Variants in HIVEP1 observed in about 807,000 individuals in gnomAD.
HIVEP1 encodes the protein zinc finger protein 40.
In HIVEP1, 36 loss-of-function variants were observed where a neutral mutation model predicts 180.0. The observed-to-expected ratio is 0.20, with a 90% confidence interval of 0.15 to 0.26. HIVEP1 has a LOEUF of 0.26. HIVEP1 is among the 10% of genes least tolerant of loss of function. The pLI, the probability that HIVEP1 is intolerant of heterozygous loss-of-function variation, is 1.00. For synonymous variants in HIVEP1, 1,239 were observed against 1,239.0 expected, an observed-to-expected ratio of 1.00 and a Z score of 0.00; for missense variants, 3,143 against 3,268.7, an observed-to-expected ratio of 0.96 and a Z score of 0.94.
intron 7 of HIVEP1, among the ~76,000 whole-genome samples, chr6:12,153,977 G>A (rs1213840666): frequency 1.3e-5 from 2 of 152,160 alleles, no homozygotes; most frequent in African/African-American, 4.8e-5. Flanking sequence ...GTGAAACCCC[G>A]TCTCTACTAA....
At chr6:12,105,531 A>G (rs999463425) in intron 3 of HIVEP1, among the ~76,000 whole-genome samples, 1 of 152,174 alleles carries the variant, frequency 6.6e-6, no homozygotes, top group Non-Finnish European at 1.5e-5. Flanking sequence ...TATTTTGTCT[A>G]GGTAATCTGT....
intron 6 of HIVEP1, among the ~76,000 whole-genome samples, chr6:12,133,932 C>T (rs1391151254): frequency 2.0e-5 from 3 of 151,408 alleles, no homozygotes; most frequent in African/African-American, 7.3e-5. Context: ...GAGCTGAGAT[C>T]TCGCCACTGC....
At position 12,063,788 on chromosome 6, in the gene HIVEP1, C is replaced by A. The variant is rs1771389083; in HGVS notation, c.41-25396C>A. On this transcript the variant is annotated intron_variant, in intron 2 of 8. Transcript: ENST00000379388. This position sits in a 1 kb window ranked among gnomAD's most constrained non-coding sequence, Gnocchi z 4.2. Reference sequence around the variant, plus strand: ...AGACTGACTCTCCAACCAAGTGAAACCTCTTGTGTACCAGCTTCACCATGC... The same window carrying A: ...AGACTGACTCTCCAACCAAGTGAAAACTCTTGTGTACCAGCTTCACCATGC... Among the ~76,000 whole-genome samples the A allele has an allele frequency of 6.6e-6, 1 of 152,120 alleles. No individual in the cohort carries two copies. The highest frequency in any genetic ancestry group is 6.5e-5 in the Admixed American group (1 of 15,276).
At chr6:12,150,786 AAT>A (rs1040404094) in intron 7 of HIVEP1, among the ~76,000 whole-genome samples, 3 of 151,808 alleles carry the variant, frequency 2.0e-5, no homozygotes, top group African/African-American at 4.8e-5. Flanking sequence ...TTATCTTTAA[AAT>A]ATATATATAT....
rs181949587 is a variant in HIVEP1, at chr6:12,144,501, A to G, written c.6487+8609A>G. On this transcript the variant is annotated intron_variant, in intron 7 of 8. Coordinates refer to ENST00000379388, the MANE Select transcript of HIVEP1 (RefSeq NM_002114.4). ...ACTTCATGTCTAAAACACCAAAAGC[A>G]ATGGCAACAGAAGACAAAATAGACA... Among the ~76,000 whole-genome samples the G allele has an allele frequency of 4.9e-4, 75 of 152,362 alleles. 1 individual carries two copies. The East Asian group carries it at 9.2e-3, about 19-fold the overall frequency.
intron 3 of HIVEP1, among the ~76,000 whole-genome samples, chr6:12,098,273 A>T (rs1773889289): frequency 1.3e-5 from 2 of 152,248 alleles, no homozygotes; most frequent in Non-Finnish European, 2.9e-5. Context: ...TAAAGTATTT[A>T]AGGTAATGGC....
chr6:12,109,773 C>A (rs1240860277), intron 3 of HIVEP1, among the ~76,000 whole-genome samples: 1 of 152,242 alleles, frequency 6.6e-6, no homozygotes, highest in African/African-American at 2.4e-5. Context: ...CTCCTCTCAT[C>A]AATCATGAAT....
chr6:12,162,448 C>T (rs749866526), intron 8 of HIVEP1, among the ~76,000 whole-genome samples: 4 of 152,214 alleles, frequency 2.6e-5, no homozygotes, highest in African/African-American at 9.6e-5. Flanking sequence ...CTTGAATTAT[C>T]ACATTGCTAC....
In HIVEP1 at chr6:12,123,149, A is replaced by G. The variant is rs1757796504; in HGVS notation, c.3354A>G (p.Ser1118=). ...LSTIMEQQIS[S]AAQDKIELQR... is the part of the protein sequence containing the mutation. ...CCATCATGGAACAACAGATAAGTTC[A>G]GCAGCCCAGGACAAGATAGAACTGC... Residue 1118 remains serine, a synonymous_variant, in exon 4 of 9, where the codon TCA becomes TCG. Coordinates refer to ENST00000379388, the MANE Select transcript of HIVEP1 (RefSeq NM_002114.4). 6.2e-7 allele frequency: 1 copy of G among 1,614,116 alleles called. No individual in the cohort carries two copies. The highest frequency in any genetic ancestry group is 1.7e-5 in the Admixed American group (1 of 60,010).
chr6:12,122,804 C>T lies in HIVEP1; in HGVS notation c.3009C>T (p.Pro1003=), dbSNP rs199611604. 160 of 1,613,420 alleles carry T rather than the reference C, an allele frequency of 9.9e-5. No homozygotes were observed. The highest frequency in any genetic ancestry group is 1.2e-4 in the Non-Finnish European group (136 of 1,179,868). ...GAGAACCTGAGCACAGCCCTGTGCC[C>T]GGCGGTCTGCAGCCTCAGATTCTAC... ...AMREPEHSPV[P]GGLQPQILHY... Residue 1003 remains proline (P), a synonymous_variant, in exon 4 of 9, where the codon CCC becomes CCT. Transcript: ENST00000379388.
chr6:12,121,462 C>G lies in HIVEP1; in HGVS notation c.1667C>G (p.Ala556Gly). ...CAGGACAGATCTGCAGAATCACAAG[C>G]TGTGACAGAGTTACCGAAAGTTGTG... ...LLQDRSAESQ[A>G]VTELPKVVVH... Residue 556 changes from alanine (A) to glycine (G), a missense_variant, in exon 4 of 9, where the codon GCT (alanine) becomes GGT (glycine). Physicochemically the swap from Ala to Gly is moderately conservative, Grantham distance 60 (BLOSUM62 0). Coordinates refer to ENST00000379388, the MANE Select transcript of HIVEP1 (RefSeq NM_002114.4). The surrounding 1 kb of genome is among the most constrained non-coding windows in gnomAD (Gnocchi z 5.3). The G allele has an allele frequency of 6.2e-7, 1 of 1,614,168 alleles. No homozygotes were observed. Among genetic ancestry groups the G allele is most frequent in the Admixed American group, 1.7e-5 (1 of 60,016 alleles).
At position 12,163,541 on chromosome 6, in the gene HIVEP1, T is replaced by C. The variant is rs905396442; in HGVS notation, c.7237T>C (p.Tyr2413His). Residue 2413 changes from tyrosine to histidine, a missense_variant, in exon 9 of 9, where the codon TAC becomes CAC. By Grantham distance (83) the Tyr-to-His change is moderately conservative (BLOSUM62 2). Coordinates refer to ENST00000379388, the MANE Select transcript of HIVEP1 (RefSeq NM_002114.4). ...CCATGTGGTACCTGCTGGCCTCACATACTCCACGTTTGTGCCCCTTCAGGC... is the reference window on the plus strand; with the variant it reads ...CCATGTGGTACCTGCTGGCCTCACACACTCCACGTTTGTGCCCCTTCAGGC... ...GIHVVPAGLT[Y>H]STFVPLQAGP... 2 of 1,614,072 alleles carry C rather than the reference T, an allele frequency of 1.2e-6. No individual in the cohort carries two copies. Among genetic ancestry groups the C allele is most frequent in the Non-Finnish European group, 1.7e-6 (2 of 1,180,040 alleles).
intron 1 of HIVEP1, among the ~76,000 whole-genome samples, chr6:12,013,173 C>T (rs1263952829): frequency 6.7e-6 from 1 of 150,278 alleles, no homozygotes; most frequent in Admixed American, 6.7e-5. Context: ...CTCTCTGCAT[C>T]CACTCCAGGC....
intron 6 of HIVEP1, among the ~76,000 whole-genome samples, chr6:12,131,589 A>G (rs1468525262): frequency 6.6e-6 from 1 of 151,684 alleles, no homozygotes; most frequent in Admixed American, 6.6e-5. Flanking sequence ...CTCATAGTTA[A>G]TTTTGCCCTG....
chr6:12,056,102 A>G (rs1355817751), intron 2 of HIVEP1, among the ~76,000 whole-genome samples: 1 of 152,166 alleles, frequency 6.6e-6, no homozygotes, highest in South Asian at 2.1e-4. Flanking sequence ...AAAAGGCTGG[A>G]ATAGAGAAAC....
At chr6:12,203,247 C>T in the HIVEP1 span, among the ~76,000 whole-genome samples, 2 of 152,162 alleles carry the variant, frequency 1.3e-5, no homozygotes, top group African/African-American at 4.8e-5. Flanking sequence ...ACTCCCTGTC[C>T]CAGAAAGATC....
At chr6:12,069,058 G>T (rs2113777910) in intron 2 of HIVEP1, among the ~76,000 whole-genome samples, 1 of 152,234 alleles carries the variant, frequency 6.6e-6, no homozygotes, top group Admixed American at 6.5e-5. Flanking sequence ...TTTAACAATG[G>T]GATACATTCT....
In HIVEP1 at chr6:12,120,670, C is replaced by A; in HGVS notation, c.875C>A (p.Pro292His). 6.2e-7 allele frequency: 1 copy of A among 1,614,142 alleles called. No individual in the cohort carries two copies. The highest frequency in any genetic ancestry group is 8.5e-7 in the Non-Finnish European group (1 of 1,180,034). The stretch of plus-strand genomic sequence containing the variant: ...TATCATCAACATGAACACTTTGTTC[C>A]CAAATCCAACCAACATAATCAACAG... ...HLYHQHEHFVPKSNQHNQQLP... is the reference protein window; with the variant it reads ...HLYHQHEHFVHKSNQHNQQLP... The change falls in exon 4 of 9, where the codon CCC becomes CAC. Residue 292 changes from proline to histidine, a missense_variant. Pro to His is a moderately conservative substitution (Grantham distance 77). Transcript: ENST00000379388.
chr6:12,025,847 C>T (rs1768546421), intron 2 of HIVEP1, among the ~76,000 whole-genome samples: 1 of 152,136 alleles, frequency 6.6e-6, no homozygotes, highest in Admixed American at 6.5e-5. Flanking sequence ...CAAGACCAGC[C>T]TGGCCAACAT....
Sources: allele counts gnomAD v4.1 joint callset (sites outside exome capture counted in the v4.1 genomes callset), GRCh38; gene constraint gnomAD v4.1.1; non-coding constraint Gnocchi (gnomAD v3.1); transcripts MANE v1.5; gene names NCBI Gene and HGNC (gene_info 2026-07-23, HGNC 2026-07-21).